Variants in PDE10A observed in about 807,000 individuals in gnomAD.
The protein encoded by PDE10A is phosphodiesterase 10A, also known as cAMP and cAMP-inhibited cGMP 3',5'-cyclic phosphodiesterase 10A.
In PDE10A, 39 loss-of-function variants were observed where a neutral mutation model predicts 97.7. The observed-to-expected ratio is 0.40, with a 90% CI of 0.31 to 0.52. PDE10A has a LOEUF of 0.52. Among genes scored for constraint, PDE10A ranks in the 20% least tolerant of loss-of-function variants. The pLI is 0.56. For synonymous variants in PDE10A, 371 were observed against 376.8 expected (o/e 0.98, Z 0.18); for missense variants, 731 against 1,047.8 (o/e 0.70, Z 4.17).
intron 2 of PDE10A, among the ~76,000 whole-genome samples, chr6:165,524,855 C>T (rs1363732245): frequency 6.6e-6 from 1 of 152,114 alleles, no homozygotes; most frequent in East Asian, 1.9e-4. Flanking sequence ...TAGAGGAGGA[C>T]CCTGATGAAG....
chr6:165,469,335 T>C (rs1313460767), intron 3 of PDE10A, among the ~76,000 whole-genome samples: 2 of 152,274 alleles, frequency 1.3e-5, no homozygotes, highest in Admixed American at 6.5e-5. Context: ...TTGTATTCAA[T>C]TAGGTAGAGA....
At chr6:165,831,953 TTTAC>T (rs1436493884) in intron 1 of PDE10A, among the ~76,000 whole-genome samples, 3 of 151,964 alleles carry the variant, frequency 2.0e-5, no homozygotes, top group Non-Finnish European at 4.4e-5. Context: ...TTTTTGTGTT[TTTAC>T]TTAAAGACAA....
chr6:165,918,924 AT>A (rs2128487926), intron 1 of PDE10A, among the ~76,000 whole-genome samples: 1 of 152,268 alleles, frequency 6.6e-6, no homozygotes. Context: ...ATGGCAGATG[AT>A]GGGAAATCTG....
intron 1 of PDE10A, among the ~76,000 whole-genome samples, chr6:165,628,797 A>C (rs560610081): frequency 1.3e-5 from 2 of 152,354 alleles, no homozygotes; most frequent in South Asian, 4.1e-4. Context: ...ACTATACACT[A>C]ATCTAAACCT....
intron 1 of PDE10A, among the ~76,000 whole-genome samples, chr6:165,938,799 C>T (rs111567214): frequency 5.9e-5 from 9 of 152,038 alleles, no homozygotes; most frequent in South Asian, 2.1e-4. Context: ...ATAACCAGGT[C>T]GATGACCTTA....
rs1409911547 is a variant in PDE10A, at chr6:165,331,728, A to G, written c.*1297T>C. On this transcript the variant is annotated 3_prime_UTR_variant, in exon 22 of 22. Transcript: ENST00000539869. ...ATCATCTTTGTAGGAAGGGGTGCAG[A>G]GTATTACTTTCGTATTTTTTAAAAC... 1.3e-5 allele frequency: 2 copies of G among 151,434 alleles called. No individual in the cohort carries two copies. The highest frequency in any genetic ancestry group is 3.8e-4 in the East Asian group (2 of 5,198). 9.4% of individuals were successfully genotyped at this position (151,434 alleles called of 1,614,324 possible).
chr6:165,382,849 C>A (rs906509319), intron 17 of PDE10A, among the ~76,000 whole-genome samples: 2 of 152,070 alleles, frequency 1.3e-5, no homozygotes, highest in Admixed American at 1.3e-4. Flanking sequence ...AATTTGATAG[C>A]CAAATACCTT....
chr6:165,847,842 G>A lies in PDE10A; in HGVS notation c.-615+139687C>T, dbSNP rs367666442. ...ATTAAGATGTGAATTGCTTTTGAGC[G>A]TAAACAAATTTCCCTGAACCTAAAT... is the stretch of plus-strand genomic sequence containing the variant. On this transcript the variant is annotated intron_variant, in intron 1 of 19. Transcript: ENST00000366882. Among the ~76,000 whole-genome samples, 34 of 152,334 alleles carry A rather than the reference G, an allele frequency of 2.2e-4. No homozygotes were observed. In the East Asian group the frequency reaches 5.2e-3, roughly 23 times the overall value.
At chr6:165,424,295 G>A (rs1277929615) in intron 10 of PDE10A, among the ~76,000 whole-genome samples, 2 of 152,182 alleles carry the variant, frequency 1.3e-5, no homozygotes, top group Admixed American at 1.3e-4. Flanking sequence ...TTTGGCTCAT[G>A]TCTGTCTCCC....
At chr6:165,519,699 T>C (rs573922846) in intron 2 of PDE10A, among the ~76,000 whole-genome samples, 1 of 152,326 alleles carries the variant, frequency 6.6e-6, no homozygotes, top group South Asian at 2.1e-4. Flanking sequence ...CCTAGCTTTC[T>C]TTCAAGCTAT....
At chr6:165,442,107 A>G (rs919471690) in intron 5 of PDE10A, among the ~76,000 whole-genome samples, 4 of 152,210 alleles carry the variant, frequency 2.6e-5, no homozygotes, top group African/African-American at 4.8e-5. Flanking sequence ...AGAAAGAACT[A>G]CCTCAGACTG....
intron 1 of PDE10A, among the ~76,000 whole-genome samples, chr6:165,883,021 A>G (rs1781529283): frequency 6.6e-6 from 1 of 152,160 alleles, no homozygotes; most frequent in Non-Finnish European, 1.5e-5. Context: ...AGATTGCTCG[A>G]GGTCAGGAGT....
At chr6:165,419,392 T>G (rs1200800633) in intron 10 of PDE10A, among the ~76,000 whole-genome samples, 1 of 152,216 alleles carries the variant, frequency 6.6e-6, no homozygotes, top group East Asian at 1.9e-4. Flanking sequence ...ATGAATTGAT[T>G]TGCCTGCTCC....
At chr6:165,696,459 G>A (rs1791446278) in intron 1 of PDE10A, among the ~76,000 whole-genome samples, 1 of 152,170 alleles carries the variant, frequency 6.6e-6, no homozygotes, top group South Asian at 2.1e-4. Context: ...CCCATTAGTT[G>A]CTTAGTAGCC....
intron 1 of PDE10A, among the ~76,000 whole-genome samples, chr6:165,597,861 A>G (rs1209151971): frequency 2.0e-5 from 3 of 152,246 alleles, no homozygotes; most frequent in Non-Finnish European, 2.9e-5. Context: ...ATGGAAGGTA[A>G]CAGAAAAAAG....
chr6:165,893,727 A>G (rs1781863666), intron 1 of PDE10A, among the ~76,000 whole-genome samples: 1 of 152,066 alleles, frequency 6.6e-6, no homozygotes, highest in Admixed American at 6.5e-5. Context: ...CCTGCTAAAT[A>G]TATAGCAGGA....
At chr6:165,666,383 C>T (rs1450769845), upstream of PDE10A, among the ~76,000 whole-genome samples, 2 of 152,112 alleles carry the variant, frequency 1.3e-5, no homozygotes, top group East Asian at 1.9e-4. Context: ...TTCCCTTTAC[C>T]GTGATTTTAA....
chr6:165,915,721 T>C (rs1782588022), intron 1 of PDE10A, among the ~76,000 whole-genome samples: 1 of 152,234 alleles, frequency 6.6e-6, no homozygotes, highest in South Asian at 2.1e-4. Flanking sequence ...TCCAGGGTCC[T>C]CTGCTTTTGC....
chr6:165,449,256 A>T (rs1791100767), intron 4 of PDE10A, among the ~76,000 whole-genome samples: 2 of 152,358 alleles, frequency 1.3e-5, no homozygotes, highest in Admixed American at 1.3e-4. Flanking sequence ...GTTGAACTTT[A>T]TTCAGAATTA....
Sources: allele counts gnomAD v4.1 joint callset (sites outside exome capture counted in the v4.1 genomes callset), GRCh38; gene constraint gnomAD v4.1.1; transcripts MANE v1.5; gene names NCBI Gene and HGNC (gene_info 2026-07-23, HGNC 2026-07-21).